Variants in ZNF385B observed in about 807,000 individuals in gnomAD.
The protein encoded by ZNF385B is zinc finger protein 385B, also known as zinc finger protein 533.
A neutral mutation model predicts 39.2 loss-of-function variants in ZNF385B; 23 were observed. The observed-to-expected ratio is 0.59, with a 90% CI of 0.42 to 0.83. ZNF385B has a LOEUF of 0.83. Ranked by LOEUF, ZNF385B falls within the 40% of genes least tolerant of loss-of-function variation. The pLI, the probability that ZNF385B is intolerant of heterozygous loss-of-function variation, is 0.00. For synonymous variants in ZNF385B, 205 were observed against 222.6 expected (o/e 0.92, Z 0.70); for missense variants, 552 against 598.9 (o/e 0.92, Z 0.82).
At chr2:179,693,288 C>A (rs1290508057) in intron 3 of ZNF385B, among the ~76,000 whole-genome samples, 1 of 152,118 alleles carries the variant, frequency 6.6e-6, no homozygotes, top group East Asian at 1.9e-4. Context: ...ACACATGTTC[C>A]TTTTGTGAGT....
At chr2:179,499,559 T>C (rs1159052677) in intron 5 of ZNF385B, among the ~76,000 whole-genome samples, 1 of 152,026 alleles carries the variant, frequency 6.6e-6, no homozygotes, top group Non-Finnish European at 1.5e-5. Flanking sequence ...ATCATTTCAA[T>C]TGATGCTAAA....
chr2:179,523,722 G>T (rs1199964769), intron 4 of ZNF385B, among the ~76,000 whole-genome samples: 4 of 152,090 alleles, frequency 2.6e-5, no homozygotes, highest in Non-Finnish European at 5.9e-5. Flanking sequence ...GTAACACTGG[G>T]ATGGGAACTG....
intron 3 of ZNF385B, among the ~76,000 whole-genome samples, chr2:179,670,648 G>C (rs1458827206): frequency 2.6e-5 from 4 of 152,182 alleles, no homozygotes; most frequent in African/African-American, 9.7e-5. Flanking sequence ...TCATGAGCTG[G>C]TCCAACATAC....
chr2:179,707,039 G>A (rs1454107690), intron 3 of ZNF385B, among the ~76,000 whole-genome samples: 2 of 152,156 alleles, frequency 1.3e-5, no homozygotes, highest in African/African-American at 4.8e-5. Context: ...AGAGAGGGGT[G>A]AGATGAGCCC....
At chr2:179,848,211 G>T (rs1708898643) in intron 1 of ZNF385B, among the ~76,000 whole-genome samples, 1 of 152,198 alleles carries the variant, frequency 6.6e-6, no homozygotes, top group Admixed American at 6.5e-5. Context: ...CTAGCAGGCT[G>T]CACAGTATCT....
At chr2:179,729,094 G>A (rs548771380) in intron 3 of ZNF385B, among the ~76,000 whole-genome samples, 1 of 132,430 alleles carries the variant, frequency 7.6e-6, no homozygotes, top group Non-Finnish European at 1.6e-5. Context: ...AGTCAAAACT[G>A]TATTAAAGAA....
chr2:179,748,896 T>G lies in ZNF385B; in HGVS notation c.298+20607A>C, dbSNP rs116019304. On this transcript the variant is annotated intron_variant, in intron 3 of 9. Transcript: ENST00000410066. ...TGCCTTTTGGGGCCTAGACCTGCACTGGGGAAGTGTCCAGGTGGCATTTAT... is the reference window on the plus strand; with the variant it reads ...TGCCTTTTGGGGCCTAGACCTGCACGGGGGAAGTGTCCAGGTGGCATTTAT... 3.7e-3 allele frequency among the ~76,000 whole-genome samples: 570 copies of G among 152,200 alleles called. 5 individuals are homozygous for G. The highest frequency in any genetic ancestry group is 0.013 in the African/African-American group (548 of 41,526).
chr2:179,472,336 T>C (rs1481472724), intron 6 of ZNF385B, among the ~76,000 whole-genome samples: 2 of 152,208 alleles, frequency 1.3e-5, no homozygotes, highest in Non-Finnish European at 1.5e-5. Flanking sequence ...AAATGCAGTA[T>C]ATGAATTAAT....
chr2:179,542,187 A>G (rs768454788), intron 4 of ZNF385B, among the ~76,000 whole-genome samples: 8 of 152,202 alleles, frequency 5.3e-5, no homozygotes, highest in Non-Finnish European at 7.3e-5. Context: ...TGTCTGTAGG[A>G]AAAGAATTAA....
intron 3 of ZNF385B, among the ~76,000 whole-genome samples, chr2:179,669,371 C>T (rs1358439444): frequency 1.3e-5 from 2 of 152,180 alleles, no homozygotes; most frequent in African/African-American, 2.4e-5. Context: ...TTTCAAAGTA[C>T]ACCAACACAT....
chr2:179,848,618 T>C (rs537132619), intron 1 of ZNF385B, among the ~76,000 whole-genome samples: 1 of 152,340 alleles, frequency 6.6e-6, no homozygotes, highest in Admixed American at 6.5e-5. Flanking sequence ...TATTAAGATA[T>C]ACGACCCCAC....
intron 3 of ZNF385B, among the ~76,000 whole-genome samples, chr2:179,640,267 T>C (rs1208802350): frequency 3.3e-5 from 5 of 152,160 alleles, no homozygotes; most frequent in Non-Finnish European, 5.9e-5. Context: ...TATATAGTAG[T>C]ACTCTATCAC....
In ZNF385B at chr2:179,493,623, GTATACGCATATGTATACACATATGCGTA is replaced by G. The variant is rs1559335445; in HGVS notation, c.553-10217_553-10190del. Among the ~76,000 whole-genome samples, 702 of 107,138 alleles carry G rather than the reference GTATACGCATATGTATACACATATGCGTA, an allele frequency of 6.6e-3. 9 individuals are homozygous for G. The highest frequency in any genetic ancestry group is 0.021 in the African/African-American group (651 of 30,526). 70.3% of individuals were successfully genotyped at this position (107,138 alleles called of 152,430 possible). A position where few individuals can be genotyped will look rare whatever the true frequency, so the allele number is the denominator to read the frequency against. ...TATACATATATGTACGTACATATAT[GTATACGCATATGTATACACATATGCGTA>G]TACATATATGTATATGCATATGCAT... On this transcript the variant is annotated intron_variant, in intron 5 of 9. Coordinates refer to ENST00000410066, the MANE Select transcript of ZNF385B (RefSeq NM_152520.6).
intron 3 of ZNF385B, among the ~76,000 whole-genome samples, chr2:179,705,850 G>A (rs982700442): frequency 6.6e-6 from 1 of 152,184 alleles, no homozygotes; most frequent in Non-Finnish European, 1.5e-5. Context: ...CAATAAACTT[G>A]ATGTACATAC....
At chr2:179,755,736 C>T (rs139706167) in intron 3 of ZNF385B, among the ~76,000 whole-genome samples, 16,676 of 152,104 alleles carry the variant, frequency 0.11, 1,551 homozygotes, top group East Asian at 0.48. Flanking sequence ...TCTGTTTTAT[C>T]GGAGACTAGG....
At chr2:179,775,609 A>T (rs755764889) in intron 1 of ZNF385B, among the ~76,000 whole-genome samples, 1 of 152,226 alleles carries the variant, frequency 6.6e-6, no homozygotes, top group East Asian at 1.9e-4. Context: ...ATTATTTGAC[A>T]TCAATGGCTG....
rs142508165 is a variant in ZNF385B at position 179,677,786 on chromosome 2, T to G, written c.298+91717A>C. Among the ~76,000 whole-genome samples the G allele has an allele frequency of 5.3e-5, 8 of 152,260 alleles. No individual in the cohort carries two copies. The East Asian group carries it at 1.5e-3, about 29-fold the overall frequency. Reference sequence around the variant, plus strand: ...AGCAGACTAACCTGAAGAGATTCCATTTTTTCCCCGTCCACTTCACAGGGT... The same window carrying G: ...AGCAGACTAACCTGAAGAGATTCCAGTTTTTCCCCGTCCACTTCACAGGGT... On this transcript the variant is annotated intron_variant, in intron 3 of 9. Transcript: ENST00000410066.
chr2:179,632,969 C>G (rs1691379612), intron 3 of ZNF385B, among the ~76,000 whole-genome samples: 2 of 152,150 alleles, frequency 1.3e-5, no homozygotes, highest in Admixed American at 1.3e-4. Flanking sequence ...TGGATAAATT[C>G]CTGGACGCAT....
intron 6 of ZNF385B, among the ~76,000 whole-genome samples, chr2:179,479,350 T>C (rs72950542): frequency 0.078 from 11,820 of 152,206 alleles, 616 homozygotes; most frequent in Non-Finnish European, 0.11. Context: ...TTATACACAA[T>C]AGCTCCATTA....
Sources: allele counts gnomAD v4.1 joint callset (sites outside exome capture counted in the v4.1 genomes callset), GRCh38; gene constraint gnomAD v4.1.1; transcripts MANE v1.5; gene names NCBI Gene and HGNC (gene_info 2026-07-23, HGNC 2026-07-21).